Variants in PCGF6 observed in about 807,000 individuals in gnomAD.
PCGF6 encodes the protein polycomb group RING finger protein 6.
In PCGF6, 24 loss-of-function variants were observed where a neutral mutation model predicts 45.5. That is an observed-to-expected ratio of 0.53 (90% CI 0.38 to 0.74). The LOEUF is 0.74. Among genes scored for constraint, PCGF6 ranks in the 30% least tolerant of loss-of-function variants. The pLI is 0.00. For missense variants in PCGF6, 356 were observed against 443.2 expected (o/e 0.80, Z 1.77); for synonymous variants, 152 against 162.1 (o/e 0.94, Z 0.47).
chr10:103,310,263 T>TA (rs1215071367), intron 9 of PCGF6, among the ~76,000 whole-genome samples: 106 of 139,126 alleles, frequency 7.6e-4, no homozygotes, highest in East Asian at 1.2e-3. Flanking sequence ...AACCATGTCT[T>TA]AAAAAAAAAA....
At chr10:103,341,983 T>C (rs764285503) in intron 6 of PCGF6, among the ~76,000 whole-genome samples, 7 of 152,082 alleles carry the variant, frequency 4.6e-5, no homozygotes, top group Non-Finnish European at 8.8e-5. Flanking sequence ...TCACCCAGGC[T>C]GGAGTGCAGT....
chr10:103,345,214 T>C, intron 5 of PCGF6, 82 bp from the exon 6 acceptor site: 1 of 962,772 alleles, frequency 1.0e-6, no homozygotes, highest in South Asian at 1.5e-5. Context: ...ACAAGTATTA[T>C]AATTATGTTG....
intron 7 of PCGF6, among the ~76,000 whole-genome samples, chr10:103,328,749 TTTTG>T (rs565924537): frequency 2.0e-4 from 30 of 152,270 alleles, no homozygotes; most frequent in Middle Eastern, 3.4e-3. Flanking sequence ...TTTTAACTTT[TTTTG>T]TTTGTTTTTT....
chr10:103,333,117 T>TA (rs55722610), intron 7 of PCGF6, among the ~76,000 whole-genome samples: 6,468 of 130,976 alleles, frequency 0.049, 489 homozygotes, highest in African/African-American at 0.17. Context: ...AGACTCCATT[T>TA]AAAAAAAAAA....
intron 7 of PCGF6, among the ~76,000 whole-genome samples, chr10:103,330,430 A>C (rs1359819616): frequency 1.3e-5 from 2 of 152,142 alleles, no homozygotes; most frequent in African/African-American, 2.4e-5. Flanking sequence ...GTTTACACCA[A>C]GCAAATTACA....
chr10:103,329,036 C>A (rs937390523), intron 7 of PCGF6, among the ~76,000 whole-genome samples: 4 of 146,246 alleles, frequency 2.7e-5, no homozygotes, highest in Non-Finnish European at 4.5e-5. Flanking sequence ...TGAGCCACTG[C>A]GCCCGGCGGA....
chr10:103,334,174 A>C (rs964210499), intron 6 of PCGF6, among the ~76,000 whole-genome samples: 2 of 152,136 alleles, frequency 1.3e-5, no homozygotes, highest in Non-Finnish European at 2.9e-5. Flanking sequence ...TTCTATACTT[A>C]ATTTTAGAAG....
intron 9 of PCGF6, 61 bp from the exon 10 acceptor site, chr10:103,304,022 C>G: frequency 3.6e-6 from 5 of 1,372,538 alleles, no homozygotes; most frequent in Non-Finnish European, 5.1e-6. Flanking sequence ...TGCAAATGAT[C>G]AAGTCAAAGC....
chr10:103,336,414 G>A (rs1185286585), intron 6 of PCGF6, among the ~76,000 whole-genome samples: 1 of 151,384 alleles, frequency 6.6e-6, no homozygotes, highest in Non-Finnish European at 1.5e-5. Context: ...CACATAAATA[G>A]AATGTTAAAT....
At chr10:103,338,857 A>G (rs1329618356) in intron 6 of PCGF6, among the ~76,000 whole-genome samples, 1 of 152,082 alleles carries the variant, frequency 6.6e-6, no homozygotes, top group East Asian at 1.9e-4. Context: ...AAGAAGAGTG[A>G]AACTCCGTCT....
chr10:103,333,863 T>C, intron 7 of PCGF6, 62 bp downstream of exon 7: 1 of 1,280,354 alleles, frequency 7.8e-7, no homozygotes, highest in Non-Finnish European at 1.1e-6. Flanking sequence ...GTTGCTAATC[T>C]GACTCGAATT....
intron 6 of PCGF6, among the ~76,000 whole-genome samples, chr10:103,336,383 T>C (rs2093257443): frequency 6.6e-6 from 1 of 151,904 alleles, no homozygotes; most frequent in South Asian, 2.1e-4. Flanking sequence ...TCCGTAAATG[T>C]ACAAATAAAT....
At chr10:103,349,748 TA>T (rs1270162854) in intron 1 of PCGF6, among the ~76,000 whole-genome samples, 4 of 150,188 alleles carry the variant, frequency 2.7e-5, no homozygotes, top group Non-Finnish European at 4.4e-5. Context: ...GCGGGGATTA[TA>T]GGCGTGAGCC....
At chr10:103,317,652 T>A (rs2093180864) in intron 8 of PCGF6, among the ~76,000 whole-genome samples, 1 of 151,502 alleles carries the variant, frequency 6.6e-6, no homozygotes, top group Non-Finnish European at 1.5e-5. Context: ...AATAAATAAA[T>A]AAATAAAAAG....
chr10:103,350,218 A>G (rs1438068241), intron 1 of PCGF6, among the ~76,000 whole-genome samples: 1 of 150,638 alleles, frequency 6.6e-6, no homozygotes, highest in Non-Finnish European at 1.5e-5. Context: ...AATCTCTTGA[A>G]CCCAGGAGTT....
chr10:103,333,830 C>G, intron 7 of PCGF6, 95 bp downstream of exon 7: 1 of 819,168 alleles, frequency 1.2e-6, no homozygotes, highest in South Asian at 2.0e-5. Context: ...ATTTAAATAA[C>G]TTATTTATAC....
chr10:103,325,928 C>T lies in PCGF6; in HGVS notation c.909+606G>A, dbSNP rs979362653. On this transcript the variant is annotated intron_variant, in intron 8 of 9. Transcript: ENST00000369847. ...GTCCTAACTACTCAGGAGGCTGAGA[C>T]AGGAGGGAGGACCACCCAAGCCCAG... Among the ~76,000 whole-genome samples, 18 of 151,146 alleles carry T rather than the reference C, an allele frequency of 1.2e-4. No individual in the cohort carries two copies. The East Asian group carries it at 1.6e-3, about 13-fold the overall frequency.
chr10:103,306,564 C>T lies in PCGF6; in HGVS notation c.997-2603G>A, dbSNP rs111570160. Reference sequence around the variant, plus strand: ...CAGTGCTGCTCTGGCTATTACTCTCCTTCGCTTCTTTGCTAAGCTTTTCCA... The same window carrying T: ...CAGTGCTGCTCTGGCTATTACTCTCTTTCGCTTCTTTGCTAAGCTTTTCCA... On this transcript the variant is annotated intron_variant, in intron 9 of 9. Coordinates refer to ENST00000369847, the MANE Select transcript of PCGF6 (RefSeq NM_001011663.2). Among the ~76,000 whole-genome samples the T allele has an allele frequency of 4.8e-3, 736 of 152,280 alleles. 2 individuals carry two copies. Among genetic ancestry groups the T allele is most frequent in the African/African-American group, 0.015 (629 of 41,566 alleles).
rs184332806 is a variant in PCGF6, at chr10:103,347,636, T to C, written c.558-186A>G. ...GAAAACCTTAAGTAAATATATGTAA[T>C]CATAAGTATTCACAGATTCTTGAAT... On this transcript the variant is annotated intron_variant, in intron 3 of 9. Coordinates refer to ENST00000369847, the MANE Select transcript of PCGF6 (RefSeq NM_001011663.2). 4.6e-5 allele frequency among the ~76,000 whole-genome samples: 7 copies of C among 152,296 alleles called. 1 individual carries two copies. In the East Asian group the frequency reaches 1.2e-3, roughly 25 times the overall value.
Sources: allele counts gnomAD v4.1 joint callset (sites outside exome capture counted in the v4.1 genomes callset), GRCh38; gene constraint gnomAD v4.1.1; transcripts MANE v1.5; gene names NCBI Gene and HGNC (gene_info 2026-07-23, HGNC 2026-07-21).